Variants in ZNF804B observed in about 807,000 individuals in gnomAD.
ZNF804B encodes the protein zinc finger protein 804B, also known as zinc finger 804B.
Under a neutral mutation model 101.4 loss-of-function variants are expected in ZNF804B, and 80 were observed. The observed-to-expected ratio is 0.79, with a 90% CI of 0.66 to 0.95. ZNF804B has a LOEUF of 0.95. ZNF804B is among the 40% of genes least tolerant of loss of function. ZNF804B has a pLI of 0.00. For missense variants in ZNF804B, 1,673 were observed against 1,561.9 expected (o/e 1.07, Z -1.20); for synonymous variants, 622 against 558.8 (o/e 1.11, Z -1.59).
At chr7:88,853,525 A>T (rs1791475393) in intron 1 of ZNF804B, among the ~76,000 whole-genome samples, 1 of 152,120 alleles carries the variant, frequency 6.6e-6, no homozygotes, top group Non-Finnish European at 1.5e-5. Flanking sequence ...GATTATGCTA[A>T]CATTGATTTT....
chr7:89,101,341 A>G (rs2116338792), intron 1 of ZNF804B, among the ~76,000 whole-genome samples: 1 of 152,166 alleles, frequency 6.6e-6, no homozygotes, highest in African/African-American at 2.4e-5. Flanking sequence ...TATCAGATAT[A>G]TTCATTTATG....
intron 1 of ZNF804B, among the ~76,000 whole-genome samples, chr7:88,918,922 A>G (rs1321965579): frequency 2.6e-5 from 4 of 152,142 alleles, no homozygotes; most frequent in Non-Finnish European, 5.9e-5. Context: ...CATCAAAGGA[A>G]TATGTGTCCT....
chr7:89,140,426 G>A (rs1172267429), intron 1 of ZNF804B, among the ~76,000 whole-genome samples: 1 of 152,016 alleles, frequency 6.6e-6, no homozygotes, highest in Non-Finnish European at 1.5e-5. Context: ...GAAAGTCCTA[G>A]TATTTCTTAT....
At chr7:89,003,452 C>G (rs1788318712) in intron 1 of ZNF804B, among the ~76,000 whole-genome samples, 1 of 151,946 alleles carries the variant, frequency 6.6e-6, no homozygotes, top group Non-Finnish European at 1.5e-5. Context: ...TATGTAAGAG[C>G]TGAGGCACAT....
intron 1 of ZNF804B, among the ~76,000 whole-genome samples, chr7:88,946,919 C>T (rs1262859230): frequency 6.6e-6 from 1 of 151,886 alleles, no homozygotes; most frequent in East Asian, 1.9e-4. Context: ...AAAAAAAGCT[C>T]ATCATCACTT....
chr7:89,143,555 A>G (rs572807784), intron 1 of ZNF804B, among the ~76,000 whole-genome samples: 5 of 152,144 alleles, frequency 3.3e-5, no homozygotes, highest in African/African-American at 9.6e-5. Flanking sequence ...TTTAAAATGA[A>G]TTATCTATTT....
At chr7:89,018,902 G>T (rs1174129922) in intron 1 of ZNF804B, among the ~76,000 whole-genome samples, 1 of 151,860 alleles carries the variant, frequency 6.6e-6, no homozygotes, top group African/African-American at 2.4e-5. Flanking sequence ...TCTAGCTAAT[G>T]GTTTATTGAA....
chr7:89,211,154 T>C (rs1334534783), intron 1 of ZNF804B, among the ~76,000 whole-genome samples: 2 of 152,206 alleles, frequency 1.3e-5, no homozygotes, highest in East Asian at 1.9e-4. Flanking sequence ...TTGAGGAGTG[T>C]CTGTTCATGC....
At chr7:89,237,687 G>T (rs1789306442) in intron 2 of ZNF804B, among the ~76,000 whole-genome samples, 1 of 152,078 alleles carries the variant, frequency 6.6e-6, no homozygotes, top group Non-Finnish European at 1.5e-5. Flanking sequence ...TTCACAGCTG[G>T]GTGTGCTCCA....
chr7:89,308,957 T>C (rs905619226), intron 2 of ZNF804B, among the ~76,000 whole-genome samples: 1 of 152,176 alleles, frequency 6.6e-6, no homozygotes, highest in Non-Finnish European at 1.5e-5. Context: ...TCCTAAAACT[T>C]CTTTTGAGAG....
At chr7:89,278,296 A>G (rs1052854174) in intron 2 of ZNF804B, among the ~76,000 whole-genome samples, 1 of 151,644 alleles carries the variant, frequency 6.6e-6, no homozygotes, top group South Asian at 2.1e-4. Flanking sequence ...CCCATTTTGT[A>G]GGTTGCCTGT....
chr7:88,804,796 T>G (rs939659173), intron 1 of ZNF804B, among the ~76,000 whole-genome samples: 5 of 152,046 alleles, frequency 3.3e-5, no homozygotes, highest in Non-Finnish European at 7.4e-5. Flanking sequence ...AATTGTCACA[T>G]GGAATGGAGA....
At chr7:89,114,242 A>G (rs1361527373) in intron 1 of ZNF804B, among the ~76,000 whole-genome samples, 2 of 152,216 alleles carry the variant, frequency 1.3e-5, no homozygotes, top group Non-Finnish European at 2.9e-5. Flanking sequence ...ACCTGAATAA[A>G]TGTTCAAGAA....
At chr7:88,890,333 A>G (rs576541219) in intron 1 of ZNF804B, among the ~76,000 whole-genome samples, 4 of 152,168 alleles carry the variant, frequency 2.6e-5, no homozygotes, top group Non-Finnish European at 5.9e-5. Flanking sequence ...AATCTCCTGT[A>G]AGTATTTGTT....
chr7:89,201,404 G>C (rs1256224923), intron 1 of ZNF804B, among the ~76,000 whole-genome samples: 1 of 152,018 alleles, frequency 6.6e-6, no homozygotes, highest in South Asian at 2.1e-4. Flanking sequence ...TGGAATAACA[G>C]ACACTGGAGA....
intron 2 of ZNF804B, among the ~76,000 whole-genome samples, chr7:89,245,802 G>T (rs1349106056): frequency 6.6e-6 from 1 of 152,142 alleles, no homozygotes; most frequent in Non-Finnish European, 1.5e-5. Flanking sequence ...AAAAGCCCCT[G>T]TGACAGCATC....
At chr7:89,288,988 A>G (rs113279727) in intron 2 of ZNF804B, among the ~76,000 whole-genome samples, 1,574 of 152,330 alleles carry the variant, frequency 0.01, 30 homozygotes, top group African/African-American at 0.036. Context: ...CATTGTTTTT[A>G]GAAGTGATAA....
chr7:89,014,997 T>A lies in ZNF804B; in HGVS notation c.109-203158T>A, dbSNP rs914204057. ...TACAGTATGGGGATTTACATTTAGA[T>A]CTTTAACCCATTTTGAGTTGATTTT... On this transcript the variant is annotated intron_variant, in intron 1 of 3. Transcript: ENST00000333190. Among the ~76,000 whole-genome samples, 4 of 152,316 alleles carry A rather than the reference T, an allele frequency of 2.6e-5. 1 individual carries two copies. The South Asian group carries it at 8.3e-4, about 32-fold the overall frequency.
chr7:89,181,316 G>C lies in ZNF804B; in HGVS notation c.109-36839G>C, dbSNP rs193295185. Among the ~76,000 whole-genome samples, 28 of 152,206 alleles carry C rather than the reference G, an allele frequency of 1.8e-4. No homozygotes were observed. The East Asian group carries it at 4.6e-3, about 25-fold the overall frequency. On this transcript the variant is annotated intron_variant, in intron 1 of 3. Transcript: ENST00000333190. ...TAGACATTCTTTCAAATTTACGTAG[G>C]ACCCCAGCGCACTTTAGCCCATGTT...
Sources: gnomAD v4.1 joint callset for allele counts (sites outside exome capture counted in the v4.1 genomes callset) on GRCh38, gnomAD v4.1.1 for gene constraint, MANE v1.5 for transcripts, NCBI Gene and HGNC (gene_info 2026-07-23, HGNC 2026-07-21) for gene names.